Variants in ZNF804B observed in about 807,000 individuals in gnomAD.
ZNF804B encodes the protein zinc finger 804B.
In ZNF804B, 80 loss-of-function variants were observed where a neutral mutation model predicts 101.4. The observed-to-expected ratio is 0.79, with a 90% CI of 0.66 to 0.95. The LOEUF (loss-of-function observed/expected upper bound fraction) is 0.95. ZNF804B is among the 40% of genes least tolerant of loss of function. The pLI, the probability that ZNF804B is intolerant of heterozygous loss-of-function variation, is 0.00. For missense variants in ZNF804B, 1,673 were observed against 1,561.9 expected, an observed-to-expected ratio of 1.07 and a Z score of -1.20; for synonymous variants, 622 against 558.8, an observed-to-expected ratio of 1.11 and a Z score of -1.59.
intron 1 of ZNF804B, among the ~76,000 whole-genome samples, chr7:89,108,318 A>C (rs1159372943): frequency 2.6e-5 from 4 of 151,064 alleles, no homozygotes; most frequent in African/African-American, 9.8e-5. Flanking sequence ...ATAGGCTTGG[A>C]GGCTGATTCT....
chr7:88,848,069 A>G (rs1791401257), intron 1 of ZNF804B, among the ~76,000 whole-genome samples: 1 of 152,122 alleles, frequency 6.6e-6, no homozygotes, highest in Non-Finnish European at 1.5e-5. Context: ...AATGGCTGGA[A>G]ACATTTTTGG....
At chr7:88,936,976 A>C (rs975338) in intron 1 of ZNF804B, among the ~76,000 whole-genome samples, 1 of 151,880 alleles carries the variant, frequency 6.6e-6, no homozygotes, top group Non-Finnish European at 1.5e-5. Context: ...TAAAATAGAT[A>C]TAATGAGAAC....
chr7:89,018,579 C>G (rs892547532), intron 1 of ZNF804B, among the ~76,000 whole-genome samples: 3 of 151,892 alleles, frequency 2.0e-5, no homozygotes, highest in East Asian at 1.9e-4. Flanking sequence ...TTTTTGGAAT[C>G]GTTTGAGAAG....
intron 1 of ZNF804B, among the ~76,000 whole-genome samples, chr7:88,829,363 C>A (rs1346329644): frequency 2.0e-5 from 3 of 151,892 alleles, no homozygotes; most frequent in Non-Finnish European, 4.4e-5. Flanking sequence ...AGCTTGCTCT[C>A]TAATTAAATA....
chr7:89,024,819 C>T (rs10262711), intron 1 of ZNF804B, among the ~76,000 whole-genome samples: 26,060 of 151,608 alleles, frequency 0.17, 3,617 homozygotes, highest in African/African-American at 0.37. Context: ...TGAAGATTCT[C>T]GCATGTTAAA....
chr7:89,300,950 T>C (rs994825245), intron 2 of ZNF804B, among the ~76,000 whole-genome samples: 16 of 151,678 alleles, frequency 1.1e-4, no homozygotes, highest in East Asian at 9.7e-4. Context: ...AATGATGGCT[T>C]GGGTAGGTGT....
At chr7:89,118,010 G>T (rs943934065) in intron 1 of ZNF804B, among the ~76,000 whole-genome samples, 11 of 151,944 alleles carry the variant, frequency 7.2e-5, no homozygotes, top group Non-Finnish European at 1.3e-4. Flanking sequence ...GAATTATTTT[G>T]TATCTGTAAG....
At chr7:89,194,954 G>A (rs1344495455) in intron 1 of ZNF804B, among the ~76,000 whole-genome samples, 2 of 151,764 alleles carry the variant, frequency 1.3e-5, no homozygotes, top group African/African-American at 2.4e-5. Context: ...AGCATGGAAT[G>A]TTCTTCCATT....
intron 1 of ZNF804B, among the ~76,000 whole-genome samples, chr7:88,815,700 TC>T (rs1685464309): frequency 6.6e-6 from 1 of 152,084 alleles, no homozygotes; most frequent in Admixed American, 6.6e-5. Flanking sequence ...TAACACTTTC[TC>T]AGCCTGCTTA....
At chr7:89,176,570 T>TC (rs1791322015) in intron 1 of ZNF804B, among the ~76,000 whole-genome samples, 1 of 134,352 alleles carries the variant, frequency 7.4e-6, no homozygotes, top group African/African-American at 2.8e-5. Flanking sequence ...TCTTTTCTTT[T>TC]TTTTCTTTCT....
At chr7:89,326,084 G>C (rs1408183978) in intron 2 of ZNF804B, among the ~76,000 whole-genome samples, 1 of 151,822 alleles carries the variant, frequency 6.6e-6, no homozygotes, top group Non-Finnish European at 1.5e-5. Flanking sequence ...GAGAACTATT[G>C]ATCTTTTTTT....
intron 1 of ZNF804B, among the ~76,000 whole-genome samples, chr7:89,158,145 C>T (rs1791004185): frequency 1.3e-5 from 2 of 152,100 alleles, no homozygotes; most frequent in African/African-American, 4.8e-5. Flanking sequence ...TAACATGATT[C>T]TGGTTTGAAT....
chr7:89,326,300 A>G (rs1711925192), intron 2 of ZNF804B, among the ~76,000 whole-genome samples: 1 of 151,954 alleles, frequency 6.6e-6, no homozygotes, highest in African/African-American at 2.4e-5. Flanking sequence ...CTTAGCTTAG[A>G]TGTAGTTATC....
intron 1 of ZNF804B, among the ~76,000 whole-genome samples, chr7:89,202,582 A>G (rs536813762): frequency 6.6e-6 from 1 of 152,280 alleles, no homozygotes; most frequent in East Asian, 1.9e-4. Flanking sequence ...AAAATTCTAC[A>G]TCTACATTTT....
At chr7:89,282,510 A>C (rs957114734) in intron 2 of ZNF804B, among the ~76,000 whole-genome samples, 1 of 152,228 alleles carries the variant, frequency 6.6e-6, no homozygotes, top group African/African-American at 2.4e-5. Flanking sequence ...CAAAACAAGT[A>C]AGAAATCAAA....
chr7:88,866,473 G>C (rs1791729142), intron 1 of ZNF804B, among the ~76,000 whole-genome samples: 3 of 152,186 alleles, frequency 2.0e-5, no homozygotes, highest in Admixed American at 2.0e-4. Context: ...TATGAGTAGT[G>C]TATCTTCCCA....
intron 1 of ZNF804B, among the ~76,000 whole-genome samples, chr7:88,963,471 A>G (rs1793416112): frequency 6.6e-6 from 1 of 151,342 alleles, no homozygotes; most frequent in African/African-American, 2.4e-5. Flanking sequence ...CAAATGCAAA[A>G]AAATGAAGTT....
intron 1 of ZNF804B, among the ~76,000 whole-genome samples, chr7:88,800,681 A>C (rs1449693297): frequency 7.0e-6 from 1 of 142,016 alleles, no homozygotes; most frequent in African/African-American, 2.6e-5. Context: ...GAATTAAAAA[A>C]TAGATATGAT....
intron 1 of ZNF804B, among the ~76,000 whole-genome samples, chr7:89,040,623 AG>A (rs1789002424): frequency 6.6e-6 from 1 of 152,040 alleles, no homozygotes; most frequent in South Asian, 2.1e-4. Flanking sequence ...TCATTTCTTT[AG>A]GGCCAGTTAA....
Sources: gnomAD v4.1 joint callset for allele counts (sites outside exome capture counted in the v4.1 genomes callset) on GRCh38, gnomAD v4.1.1 for gene constraint, MANE v1.5 for transcripts, NCBI Gene and HGNC (gene_info 2026-07-23, HGNC 2026-07-21) for gene names.